The following ANKRD28 variants were observed in gnomAD, a reference collection of about 807,000 sequenced individuals.
ANKRD28 encodes the protein ankyrin repeat domain 28.
Under a neutral mutation model 126.5 loss-of-function variants are expected in ANKRD28, and 44 were observed. That is an observed-to-expected ratio of 0.35 (90% CI 0.27 to 0.45). The LOEUF (loss-of-function observed/expected upper bound fraction) is 0.45. Ranked by LOEUF, ANKRD28 falls within the 20% of genes least tolerant of loss-of-function variation. The probability of loss-of-function intolerance (pLI) is 1.00; values close to 1 mark genes in which losing one functional copy is unlikely to be tolerated. For missense variants in ANKRD28, 1,110 were observed against 1,316.6 expected, an observed-to-expected ratio of 0.84 and a Z score of 2.43; for synonymous variants, 442 against 468.5, an observed-to-expected ratio of 0.94 and a Z score of 0.73.
intron 1 of ANKRD28, among the ~76,000 whole-genome samples, chr3:15,849,159 C>T (rs1458727481): frequency 6.6e-6 from 1 of 152,064 alleles, no homozygotes; most frequent in Non-Finnish European, 1.5e-5. Flanking sequence ...GATTAAAGAA[C>T]CTTAATAAAT....
intron 6 of ANKRD28, among the ~76,000 whole-genome samples, chr3:15,726,903 C>G (rs2074214140): frequency 6.6e-6 from 1 of 152,214 alleles, no homozygotes; most frequent in African/African-American, 2.4e-5. Flanking sequence ...ATGAATTATG[C>G]TAAATCCACT....
intron 13 of ANKRD28, among the ~76,000 whole-genome samples, chr3:15,709,445 C>A (rs1307911537): frequency 6.6e-6 from 1 of 151,900 alleles, no homozygotes; most frequent in Admixed American, 6.6e-5. Context: ...TTTATAAGGC[C>A]AAGGCTGTGG....
intron 14 of ANKRD28, among the ~76,000 whole-genome samples, chr3:15,699,480 T>C (rs536707297): frequency 8.3e-4 from 126 of 152,280 alleles, no homozygotes; most frequent in African/African-American, 2.9e-3. Context: ...AGAAAATTTT[T>C]GCAATCTACC....
upstream of ANKRD28, among the ~76,000 whole-genome samples, chr3:15,800,679 T>C (rs2060445196): frequency 6.6e-6 from 1 of 152,018 alleles, no homozygotes. Context: ...AAGTGTTAAT[T>C]GGGGAGAGGG....
At chr3:15,783,839 T>C (rs933113790) in intron 2 of ANKRD28, among the ~76,000 whole-genome samples, 2 of 151,728 alleles carry the variant, frequency 1.3e-5, no homozygotes, top group Non-Finnish European at 2.9e-5. Flanking sequence ...AGGAGAACAC[T>C]AACAGGAAAA....
chr3:15,842,551 T>A (rs1221742212), intron 1 of ANKRD28, among the ~76,000 whole-genome samples: 1 of 152,154 alleles, frequency 6.6e-6, no homozygotes, highest in Non-Finnish European at 1.5e-5. Flanking sequence ...AAAAATAATT[T>A]AAATGAACAT....
chr3:15,748,897 T>G (rs926502136), intron 4 of ANKRD28, among the ~76,000 whole-genome samples: 1 of 152,008 alleles, frequency 6.6e-6, no homozygotes, highest in African/African-American at 2.4e-5. Context: ...AAAAAAAAAT[T>G]TTTTTTCTTT....
intron 23 of ANKRD28, 49 bp downstream of exon 23, chr3:15,679,252 G>C: frequency 6.6e-7 from 1 of 1,524,144 alleles, no homozygotes; most frequent in Non-Finnish European, 9.1e-7. Flanking sequence ...TTATAGGCAT[G>C]AGCCACTGTG....
At chr3:15,751,669 C>G (rs777612177) in intron 4 of ANKRD28, 81 bp downstream of exon 4, 208 of 945,692 alleles carry the variant, frequency 2.2e-4, no homozygotes, top group Non-Finnish European at 3.2e-4. Context: ...CTTTTGAAAA[C>G]ATAGAATTTG....
rs774370852 is a variant in ANKRD28 at position 15,796,710 on chromosome 3, T to C, written c.-189A>G. ...AAGTTTAAAATTATGACTACATAAT[T>C]TGTAACTTCCTAAATATAACGAAAT... On this transcript the variant is annotated 5_prime_UTR_variant, in exon 1 of 28. Transcript: ENST00000683139. 6 of 985,590 alleles carry C rather than the reference T, an allele frequency of 6.1e-6. No individual in the cohort carries two copies. The highest frequency in any genetic ancestry group is 5.2e-5 in the African/African-American group (3 of 57,242). 61.1% of individuals were successfully genotyped at this position (985,590 alleles called of 1,614,324 possible).
rs779681581 is a variant in ANKRD28 at position 15,724,416 on chromosome 3, C to T, written c.749G>A (p.Ser250Asn). Residue 250 changes from serine to asparagine, a missense_variant, in exon 7 of 28, where the codon AGC (serine) becomes AAC (asparagine). Transcript: ENST00000683139. ...AAGATCTAGAAGGTACTTGACTACG[C>T]TGATCATTCCACTAGAGGCTGCTGC... is the stretch of plus-strand genomic sequence containing the variant. ...LHAAASSGMI[S>N]VVKYLLDLGV... The T allele has an allele frequency of 1.2e-5, 20 of 1,607,244 alleles. No homozygotes were observed. Among genetic ancestry groups the T allele is most frequent in the Non-Finnish European group, 5.1e-6 (6 of 1,176,510 alleles).
Position 15,815,107 on chromosome 3 carries a change from A to G in ANKRD28, c.28-19801T>C, listed in dbSNP as rs549373310. 5.3e-5 allele frequency among the ~76,000 whole-genome samples: 8 copies of G among 151,860 alleles called. No homozygotes were observed. In the South Asian group the frequency reaches 1.7e-3, roughly 31 times the overall value. On this transcript the variant is annotated intron_variant, in intron 1 of 27. Coordinates refer to the ANKRD28 transcript ENST00000399451. The surrounding 1 kb of genome is among the most constrained non-coding windows in gnomAD (Gnocchi z 4.1). ...TTCATATATAATAATTTTTCTAAGA[A>G]TATTATATATTCTTGTATAATACTT...
intron 20 of ANKRD28, 145 bp from the exon 21 acceptor site, chr3:15,685,590 T>C (rs2068014140): frequency 1.3e-6 from 1 of 782,096 alleles, no homozygotes; most frequent in Non-Finnish European, 2.0e-6. Context: ...TAATTCTGTA[T>C]TTTTATTGGA....
chr3:15,684,378 A>G (rs2067872081), intron 21 of ANKRD28: 1 of 152,216 alleles, frequency 6.6e-6, no homozygotes, highest in Non-Finnish European at 1.5e-5. Flanking sequence ...TCTTTTAACC[A>G]TGTAGCAGAG....
Position 15,769,333 on chromosome 3 carries a change from TAC to T in ANKRD28, c.202-3023_202-3022del, listed in dbSNP as rs1381425204. ...AAAGAATTTATATATCATATTTTAC[TAC>T]AGTTAAACATTGAAAATTAGGTAAT... is the stretch of plus-strand genomic sequence containing the variant. On this transcript the variant is annotated intron_variant, in intron 2 of 27. Coordinates refer to ENST00000683139, the MANE Select transcript of ANKRD28 (RefSeq NM_001349278.2). Among the ~76,000 whole-genome samples the T allele has an allele frequency of 5.3e-5, 8 of 152,374 alleles. No homozygotes were observed. The South Asian group carries it at 1.7e-3, about 32-fold the overall frequency.
In ANKRD28 at chr3:15,846,558, C is replaced by A. The variant is rs1575815040; in HGVS notation, c.27+12819G>T. 6.6e-6 allele frequency among the ~76,000 whole-genome samples: 1 copy of A among 152,182 alleles called. No individual in the cohort carries two copies. The highest frequency in any genetic ancestry group is 2.1e-4 in the South Asian group (1 of 4,830). ...AGTTAAAAAATACAAACAGTATAAA[C>A]CAAGGGCAACAGTTCCTAAATTCTG... On this transcript the variant is annotated intron_variant, in intron 1 of 27. Coordinates refer to the ANKRD28 transcript ENST00000399451. This position sits in a 1 kb window ranked among gnomAD's most constrained non-coding sequence, Gnocchi z 5.4.
chr3:15,701,426 C>T (rs1332285358), intron 14 of ANKRD28, among the ~76,000 whole-genome samples: 2 of 152,120 alleles, frequency 1.3e-5, no homozygotes, highest in South Asian at 2.1e-4. Flanking sequence ...GGGCGGAACA[C>T]CTGAGGTCGG....
chr3:15,768,654 G>T (rs1020011512), intron 2 of ANKRD28, among the ~76,000 whole-genome samples: 1 of 151,824 alleles, frequency 6.6e-6, no homozygotes, highest in African/African-American at 2.4e-5. Context: ...CTTCTCTGGC[G>T]GGGGGCGGCG....
chr3:15,670,816 C>T (rs1258922655), intron 27 of ANKRD28, among the ~76,000 whole-genome samples: 11 of 152,204 alleles, frequency 7.2e-5, no homozygotes, highest in Admixed American at 7.2e-4. Context: ...CAAGGTCTCA[C>T]AACTTATCCG....
Sources: gnomAD v4.1 joint callset for allele counts (sites outside exome capture counted in the v4.1 genomes callset) on GRCh38, gnomAD v4.1.1 for gene constraint, Gnocchi (gnomAD v3.1) non-coding constraint, MANE v1.5 for transcripts, NCBI Gene and HGNC (gene_info 2026-07-23, HGNC 2026-07-21) for gene names.